PMPCB: variants seen among roughly 807,000 people sequenced by gnomAD.
PMPCB encodes mitochondrial-processing peptidase subunit beta.
In PMPCB, 46 loss-of-function variants were observed where a neutral mutation model predicts 61.5. That is an observed-to-expected ratio of 0.75 (90% CI 0.59 to 0.96). The LOEUF (loss-of-function observed/expected upper bound fraction) is 0.96, where lower values mean the gene tolerates loss of function less well. Among genes scored for constraint, PMPCB ranks in the 40% least tolerant of loss-of-function variants. The pLI, the probability that PMPCB is intolerant of heterozygous loss-of-function variation, is 0.00. For missense variants in PMPCB, 590 were observed against 602.4 expected (o/e 0.98, Z 0.22); for synonymous variants, 191 against 201.6 (o/e 0.95, Z 0.44).
intron 5 of PMPCB, among the ~76,000 whole-genome samples, 157 bp from the exon 6 acceptor site, chr7:103,304,254 T>C (rs563208976): frequency 6.6e-6 from 1 of 152,322 alleles, no homozygotes; most frequent in Non-Finnish European, 1.5e-5. Context: ...ATTTTTTCTT[T>C]GATGTAAAAA....
At chr7:103,344,028 A>C in the PMPCB span, among the ~76,000 whole-genome samples, 1 of 152,276 alleles carries the variant, frequency 6.6e-6, no homozygotes, top group African/African-American at 2.4e-5. Flanking sequence ...TTTCACTTGT[A>C]ATAACTGCCT....
intron 12 of PMPCB, among the ~76,000 whole-genome samples, chr7:103,327,052 GTAAA>G (rs1413722736): frequency 6.6e-6 from 1 of 152,190 alleles, no homozygotes; most frequent in East Asian, 1.9e-4. Flanking sequence ...CTGGCAAAGA[GTAAA>G]TATGAACGGT....
At chr7:103,342,078 C>T in the PMPCB span, 32 of 630,288 alleles carry the variant, frequency 5.1e-5, no homozygotes, top group South Asian at 9.0e-4. Flanking sequence ...TTAAAACCAC[C>T]GACTACGAAA....
intron 12 of PMPCB, among the ~76,000 whole-genome samples, chr7:103,321,067 A>G (rs1818378562): frequency 2.0e-5 from 3 of 151,206 alleles, no homozygotes; most frequent in Admixed American, 1.3e-4. Flanking sequence ...GTGTGGTGGT[A>G]TGCACCTGTA....
intron 11 of PMPCB, 60 bp from the exon 12 acceptor site, chr7:103,311,996 C>A: frequency 6.4e-7 from 1 of 1,560,892 alleles, no homozygotes; most frequent in Non-Finnish European, 8.7e-7. Context: ...TTAAAAAGTT[C>A]CAGGTATAGA....
downstream of PMPCB, among the ~76,000 whole-genome samples, chr7:103,314,936 T>TA (rs1317961024): frequency 6.6e-6 from 1 of 152,170 alleles, no homozygotes; most frequent in Non-Finnish European, 1.5e-5. Context: ...TTTTTCCACA[T>TA]AAACTGCTTT....
intron 8 of PMPCB, among the ~76,000 whole-genome samples, chr7:103,310,017 G>C (rs1817692565): frequency 6.6e-6 from 1 of 152,164 alleles, no homozygotes; most frequent in Admixed American, 6.5e-5. Flanking sequence ...ATGTAGCCAA[G>C]AGTCCTAGAA....
At chr7:103,320,830 C>CTTTT (rs745754898) in intron 12 of PMPCB, 18 of 113,788 alleles carry the variant, frequency 1.6e-4, no homozygotes, top group East Asian at 2.7e-4. Context: ...CTCAGCATGT[C>CTTTT]TTTTTTTTTT....
downstream of PMPCB, chr7:103,315,881 G>GA (rs747596611): frequency 2.5e-6 from 4 of 1,591,976 alleles, no homozygotes; most frequent in Non-Finnish European, 1.7e-6. Context: ...TCTGAGAAAT[G>GA]AAAAAAATTT....
the PMPCB span, chr7:103,344,308 C>T: frequency 6.9e-6 from 4 of 577,564 alleles, no homozygotes; most frequent in South Asian, 8.5e-5. Context: ...TCAGCCCAAT[C>T]CATGAGTCAG....
chr7:103,310,240 C>T (rs753165680), intron 8 of PMPCB, 75 bp from the exon 9 acceptor site: 2 of 1,114,970 alleles, frequency 1.8e-6, no homozygotes, highest in Admixed American at 2.1e-5. Context: ...CACTATTTTC[C>T]ACACACTCCA....
chr7:103,335,390 C>T, the PMPCB span: 1 of 152,126 alleles, frequency 6.6e-6, no homozygotes, highest in Non-Finnish European at 1.5e-5. Context: ...CAGTTTCTTT[C>T]TAAATAAAGA....
At chr7:103,320,361 C>T (rs1272693978) in intron 12 of PMPCB, among the ~76,000 whole-genome samples, 2 of 152,006 alleles carry the variant, frequency 1.3e-5, no homozygotes, top group East Asian at 1.9e-4. Context: ...GTGCTGGTTA[C>T]AGGTGTGAGC....
At chr7:103,319,058 A>T (rs1327433584), downstream of PMPCB, among the ~76,000 whole-genome samples, 4 of 152,188 alleles carry the variant, frequency 2.6e-5, no homozygotes, top group Admixed American at 6.5e-5. Context: ...GTAAAAATAC[A>T]AAAATCAGCC....
Position 103,310,447 on chromosome 7 carries a change from GACATGCT to G in PMPCB, c.1132_1138del (p.His379PhefsTer24). 1 of 1,611,936 alleles carries G rather than the reference GACATGCT, an allele frequency of 6.2e-7. No individual in the cohort carries two copies. Among genetic ancestry groups the G allele is most frequent in the Non-Finnish European group, 8.5e-7 (1 of 1,179,226 alleles). On this transcript the variant is annotated frameshift_variant, in exon 9 of 13. Transcript: ENST00000249269. LOFTEE classifies it high-confidence loss of function. ...GGTTTGTGAATCATCCACTGTTGCA[GACATGCT>G]ACATGTTGTTCAAAAAGAATGGTGA...
chr7:103,344,060 T>C, the PMPCB span, among the ~76,000 whole-genome samples: 1 of 152,228 alleles, frequency 6.6e-6, no homozygotes, highest in East Asian at 1.9e-4. Flanking sequence ...CGCGGATCTT[T>C]TCAGCAGCAC....
chr7:103,331,417 C>T (rs1050064590), downstream of PMPCB, among the ~76,000 whole-genome samples: 2 of 152,188 alleles, frequency 1.3e-5, no homozygotes, highest in Admixed American at 1.3e-4. Flanking sequence ...TCATTGTTAA[C>T]TATCATCACC....
chr7:103,344,493 C>T, the PMPCB span: 1 of 1,585,552 alleles, frequency 6.3e-7, no homozygotes, highest in East Asian at 2.2e-5. Context: ...CCCAGGGTTG[C>T]CGAGGCGGAG....
intron 8 of PMPCB, 95 bp downstream of exon 8, chr7:103,309,190 C>T (rs1252143886): frequency 3.0e-6 from 3 of 985,028 alleles, no homozygotes; most frequent in African/African-American, 1.7e-5. Context: ...TTTAAAGTGG[C>T]AGAATAGAGT....
Sources: allele counts gnomAD v4.1 joint callset (sites outside exome capture counted in the v4.1 genomes callset), GRCh38; gene constraint gnomAD v4.1.1; transcripts MANE v1.5; gene names NCBI Gene and HGNC (gene_info 2026-07-23, HGNC 2026-07-21).